AGPS: variants seen among roughly 807,000 people sequenced by gnomAD.
AGPS encodes the protein alkyldihydroxyacetonephosphate synthase, peroxisomal.
AGPS carries 26 observed loss-of-function variants against 90.7 expected under a neutral mutation model. The ratio of observed to expected loss-of-function variants is 0.29; its 90% CI spans 0.21 to 0.40. AGPS has a LOEUF of 0.40. Ranked by LOEUF, AGPS falls within the 10% of genes least tolerant of loss-of-function variation. The pLI is 1.00. For missense variants in AGPS, 540 were observed against 816.1 expected (o/e 0.66, Z 4.12); for synonymous variants, 294 against 285.3 (o/e 1.03, Z -0.31).
At chr2:177,406,367 A>G (rs1271454897) in intron 1 of AGPS, among the ~76,000 whole-genome samples, 1 of 152,244 alleles carries the variant, frequency 6.6e-6, no homozygotes, top group Non-Finnish European at 1.5e-5. Flanking sequence ...ATAGATATAT[A>G]AAAGATATGA....
rs541679681 is a variant in AGPS at position 177,448,731 on chromosome 2, C to T, written c.870+3105C>T. Among the ~76,000 whole-genome samples the T allele has an allele frequency of 1.7e-3, 264 of 152,094 alleles. 1 individual carries two copies. Among genetic ancestry groups the T allele is most frequent in the Middle Eastern group, 0.014 (4 of 294 alleles). On this transcript the variant is annotated intron_variant, in intron 8 of 19. Transcript: ENST00000264167. ...TTAATGTGTACAATTTGATAAGTTTCGACATATGAATATAACCATGAAACC... is the reference window on the plus strand; with the variant it reads ...TTAATGTGTACAATTTGATAAGTTTTGACATATGAATATAACCATGAAACC...
chr2:177,458,445 C>T (rs1687185964), intron 8 of AGPS, among the ~76,000 whole-genome samples: 1 of 152,190 alleles, frequency 6.6e-6, no homozygotes, highest in South Asian at 2.1e-4. Flanking sequence ...AAAACCCCAT[C>T]GTCTCAGCCC....
In AGPS at chr2:177,499,738, T is replaced by C; in HGVS notation, c.1475+8T>C. 6.5e-7 allele frequency: 1 copy of C among 1,542,716 alleles called. No homozygotes were observed. The highest frequency in any genetic ancestry group is 1.1e-5 in the South Asian group (1 of 89,676). On this transcript the variant is annotated splice_region_variant and intron_variant, in intron 14 of 19. Coordinates refer to ENST00000264167, the MANE Select transcript of AGPS (RefSeq NM_003659.4). ...TATTGCTGCAAAATTTGGGTATGGC[T>C]TCAAGTTCATAATGCCAAGAGAAAG... is the stretch of plus-strand genomic sequence containing the variant.
intron 19 of AGPS, among the ~76,000 whole-genome samples, chr2:177,528,849 CTTTTTTT>C (rs71008000): frequency 3.8e-5 from 3 of 79,142 alleles, no homozygotes; most frequent in Admixed American, 1.9e-4. Flanking sequence ...CATATTAATC[CTTTTTTT>C]TTTTTTTTTT....
intron 10 of AGPS, among the ~76,000 whole-genome samples, chr2:177,470,710 C>CAAAA (rs369412625): frequency 2.8e-5 from 3 of 108,650 alleles, no homozygotes; most frequent in African/African-American, 1.1e-4. Flanking sequence ...GACTTTGTCT[C>CAAAA]AAAAAAAAAA....
chr2:177,503,022 T>A (rs574966941), intron 14 of AGPS, among the ~76,000 whole-genome samples: 114 of 152,312 alleles, frequency 7.5e-4, no homozygotes, highest in Non-Finnish European at 1.5e-3. Context: ...CCTTTTTTTT[T>A]ATTTGTTTAT....
At chr2:177,407,168 T>A (rs1685490896) in intron 1 of AGPS, among the ~76,000 whole-genome samples, 1 of 152,180 alleles carries the variant, frequency 6.6e-6, no homozygotes, top group South Asian at 2.1e-4. Flanking sequence ...TAATGACACC[T>A]ACATCACAGG....
At chr2:177,523,163 A>G (rs928436362) in intron 18 of AGPS, among the ~76,000 whole-genome samples, 2 of 152,312 alleles carry the variant, frequency 1.3e-5, no homozygotes, top group East Asian at 3.9e-4. Flanking sequence ...AAAGGCATTT[A>G]TGGTTGATTT....
intron 1 of AGPS, among the ~76,000 whole-genome samples, chr2:177,417,981 T>C (rs1685834723): frequency 6.6e-6 from 1 of 152,160 alleles, no homozygotes; most frequent in African/African-American, 2.4e-5. Flanking sequence ...TACTTGAAGA[T>C]ATCAGAAGAT....
chr2:177,482,550 A>G (rs1275931177), intron 11 of AGPS, among the ~76,000 whole-genome samples: 2 of 152,024 alleles, frequency 1.3e-5, no homozygotes, highest in South Asian at 2.1e-4. Context: ...TGATTAATTG[A>G]AGTGATATTT....
intron 19 of AGPS, among the ~76,000 whole-genome samples, chr2:177,527,720 C>G (rs535826366): frequency 4.6e-5 from 7 of 152,092 alleles, no homozygotes; most frequent in Admixed American, 4.6e-4. Flanking sequence ...GGTTTATAGG[C>G]CTTCTTTTAT....
rs370324979 is a variant in AGPS at position 177,485,068 on chromosome 2, C to G, written c.1233+2882C>G. On this transcript the variant is annotated intron_variant, in intron 11 of 19. Transcript: ENST00000264167. Reference sequence around the variant, plus strand: ...CTGGCATGAGCCACCATGCCCGGCCCCAAATTAGATTTTTTAAAAAATTAC... The same window carrying G: ...CTGGCATGAGCCACCATGCCCGGCCGCAAATTAGATTTTTTAAAAAATTAC... Among the ~76,000 whole-genome samples the G allele has an allele frequency of 3.9e-5, 6 of 152,056 alleles. No homozygotes were observed. In the East Asian group the frequency reaches 1.2e-3, roughly 29 times the overall value.
At position 177,473,007 on chromosome 2, in the gene AGPS, T is replaced by C. The variant is rs112350918; in HGVS notation, c.1105+4483T>C. Among the ~76,000 whole-genome samples the C allele has an allele frequency of 4.3e-3, 651 of 152,178 alleles. 4 individuals carry two copies. Among genetic ancestry groups the C allele is most frequent in the Non-Finnish European group, 6.8e-3 (460 of 67,880 alleles). On this transcript the variant is annotated intron_variant, in intron 10 of 19. Transcript: ENST00000264167. ...TTTGTTTTCTGGGAGTAATTTTGGC[T>C]GTACTTCCTCTAGTTCCTCTGTTAC...
intron 10 of AGPS, among the ~76,000 whole-genome samples, chr2:177,479,720 A>G (rs1687888140): frequency 6.6e-6 from 1 of 152,228 alleles, no homozygotes. Flanking sequence ...AGAATAGGCA[A>G]GTCTGTATAG....
chr2:177,453,782 G>A (rs1687025635), intron 8 of AGPS, among the ~76,000 whole-genome samples: 1 of 139,206 alleles, frequency 7.2e-6, no homozygotes, highest in African/African-American at 2.6e-5. Flanking sequence ...CTGCCTCCCG[G>A]GTTCAAGTGA....
chr2:177,477,070 G>A (rs1687801975), intron 10 of AGPS, among the ~76,000 whole-genome samples: 1 of 150,296 alleles, frequency 6.7e-6, no homozygotes, highest in Non-Finnish European at 1.5e-5. Flanking sequence ...GCAAATAGTT[G>A]GATCTTTTTA....
At chr2:177,435,057 TTTA>T (rs1036684065) in intron 3 of AGPS, among the ~76,000 whole-genome samples, 1 of 147,826 alleles carries the variant, frequency 6.8e-6, no homozygotes, top group African/African-American at 2.5e-5. Flanking sequence ...AGCGTTTCTT[TTTA>T]TTATTTTTGT....
At chr2:177,408,772 T>C (rs1176735495) in intron 1 of AGPS, among the ~76,000 whole-genome samples, 2 of 152,244 alleles carry the variant, frequency 1.3e-5, no homozygotes, top group Non-Finnish European at 2.9e-5. Context: ...AGCAACTTAA[T>C]TGTAAACAAT....
chr2:177,422,438 T>C (rs989318131), intron 2 of AGPS, among the ~76,000 whole-genome samples: 1 of 152,170 alleles, frequency 6.6e-6, no homozygotes, highest in Non-Finnish European at 1.5e-5. Flanking sequence ...CCTACCAGAA[T>C]GCATTCCTTA....
Sources: gnomAD v4.1 joint callset for allele counts (sites outside exome capture counted in the v4.1 genomes callset) on GRCh38, gnomAD v4.1.1 for gene constraint, MANE v1.5 for transcripts, NCBI Gene and HGNC (gene_info 2026-07-23, HGNC 2026-07-21) for gene names.